The following MAPK8IP3 variants were observed in gnomAD, a reference collection of about 807,000 sequenced individuals.
MAPK8IP3 encodes C-Jun-amino-terminal kinase-interacting protein 3.
A neutral mutation model predicts 157.8 loss-of-function variants in MAPK8IP3; 49 were observed. That is an observed-to-expected ratio of 0.31 (90% confidence interval 0.25 to 0.39). MAPK8IP3 has a LOEUF of 0.39. MAPK8IP3 is among the 10% of genes least tolerant of loss of function. MAPK8IP3 has a pLI of 1.00. For synonymous variants in MAPK8IP3, 897 were observed against 777.7 expected (o/e 1.15, Z -2.55); for missense variants, 1,478 against 1,889.4 (o/e 0.78, Z 4.04).
chr16:1,716,214 T>C (rs2038138326), intron 1 of MAPK8IP3, among the ~76,000 whole-genome samples: 2 of 152,148 alleles, frequency 1.3e-5, no homozygotes, highest in South Asian at 4.1e-4. Context: ...TAACTTTGTT[T>C]ACATATAAAA....
chr16:1,744,317 TG>T (rs771530308), intron 5 of MAPK8IP3: 41 of 985,762 alleles, frequency 4.2e-5, no homozygotes, highest in Non-Finnish European at 4.7e-5. Context: ...GGCTGGTGGA[TG>T]TGGGGCCTGG....
At chr16:1,711,695 A>T (rs2037779586) in intron 1 of MAPK8IP3, among the ~76,000 whole-genome samples, 1 of 152,162 alleles carries the variant, frequency 6.6e-6, no homozygotes, top group Admixed American at 6.5e-5. Context: ...TAATCCCAAC[A>T]CTTTGAAAGG....
intron 4 of MAPK8IP3, among the ~76,000 whole-genome samples, chr16:1,734,230 C>T (rs1039455603): frequency 6.6e-6 from 1 of 152,256 alleles, no homozygotes; most frequent in African/African-American, 2.4e-5. Flanking sequence ...GCTGGCGGCC[C>T]TGTCTCCCTG....
At chr16:1,709,755 T>C (rs1269239043) in intron 1 of MAPK8IP3, among the ~76,000 whole-genome samples, 1 of 152,256 alleles carries the variant, frequency 6.6e-6, no homozygotes, top group African/African-American at 2.4e-5. Context: ...GCCACCACGT[T>C]TGCCGGGCTT....
rs2042532160 is a variant in MAPK8IP3, at chr16:1,770,199, A to C, written c.*1375A>C. 6.4e-6 allele frequency: 1 copy of C among 156,662 alleles called. No homozygotes were observed. The highest frequency in any genetic ancestry group is 1.4e-5 in the Non-Finnish European group (1 of 71,082). The allele number at this position is 156,662 out of a possible 1,614,324, so 9.7% of individuals were successfully genotyped here. A position where few individuals can be genotyped will look rare whatever the true frequency, so the allele number is the denominator to read the frequency against. ...CTCGTCTGTTCCCCCAGGATCTCGA[A>C]GTGACTCCGGGCTGAGCAGTGGGGC... On this transcript the variant is annotated 3_prime_UTR_variant, in exon 32 of 32. Coordinates refer to ENST00000610761, the MANE Select transcript of MAPK8IP3 (RefSeq NM_001318852.2).
rs2040748300 is a variant in MAPK8IP3, at chr16:1,742,618, CAG to C, written c.603-713_603-712del. Among the ~76,000 whole-genome samples the C allele has an allele frequency of 2.0e-5, 3 of 152,178 alleles. No individual in the cohort carries two copies. Among genetic ancestry groups the C allele is most frequent in the African/African-American group, 2.4e-5 (1 of 41,446 alleles). On this transcript the variant is annotated intron_variant, in intron 4 of 31. Transcript: ENST00000610761. This position sits in a 1 kb window ranked among gnomAD's most constrained non-coding sequence, Gnocchi z 5.0. ...GCAGGAGGGGCCAAGGAACAAGGCA[CAG>C]GGGCAGGAAGGCTGGATTCCCTCTG...
chr16:1,749,641 G>T (rs568353217), intron 8 of MAPK8IP3, among the ~76,000 whole-genome samples: 1 of 152,352 alleles, frequency 6.6e-6, no homozygotes, highest in African/African-American at 2.4e-5. Context: ...AGGCTTTCAG[G>T]CATGACAGGC....
chr16:1,764,729 G>A (rs2042155729), intron 19 of MAPK8IP3, among the ~76,000 whole-genome samples: 1 of 152,228 alleles, frequency 6.6e-6, no homozygotes, highest in African/African-American at 2.4e-5. Context: ...GAGGAGCCCA[G>A]GAGCGGCAGA....
chr16:1,762,618 G>T, intron 14 of MAPK8IP3, 57 bp from the exon 15 acceptor site: 2 of 1,543,558 alleles, frequency 1.3e-6, no homozygotes, highest in South Asian at 1.2e-5. Context: ...CCAGAGAGTC[G>T]CAGGTAAGGG....
At chr16:1,711,958 GA>G (rs1160371868) in intron 1 of MAPK8IP3, among the ~76,000 whole-genome samples, 1 of 122,060 alleles carries the variant, frequency 8.2e-6, no homozygotes. Flanking sequence ...AAAAAAAAAA[GA>G]AAAAAAAAGA....
At chr16:1,762,196 C>T (rs1596778939) in intron 13 of MAPK8IP3, among the ~76,000 whole-genome samples, 155 bp from the exon 14 acceptor site, 1 of 152,348 alleles carries the variant, frequency 6.6e-6, no homozygotes, top group South Asian at 2.1e-4. Context: ...TGGTTCCCCT[C>T]CCCGCTTGCC....
At chr16:1,736,164 G>A (rs1459869134) in intron 4 of MAPK8IP3, among the ~76,000 whole-genome samples, 4 of 135,924 alleles carry the variant, frequency 2.9e-5, no homozygotes, top group Admixed American at 7.9e-5. Context: ...CCGTCCGTGT[G>A]AGCGTCCGTG....
intron 4 of MAPK8IP3, among the ~76,000 whole-genome samples, chr16:1,731,009 A>T (rs1300652031): frequency 6.6e-6 from 1 of 151,550 alleles, no homozygotes; most frequent in Admixed American, 6.6e-5. Flanking sequence ...GTGTGGTGGC[A>T]CATGCCTGTA....
At chr16:1,768,675 G>A (rs369812912) in intron 31 of MAPK8IP3, 28 bp from the exon 32 acceptor site, 40 of 1,611,256 alleles carry the variant, frequency 2.5e-5, no homozygotes, top group Non-Finnish European at 3.2e-5. Context: ...GGGGGAGCCT[G>A]GCCGTCACTC....
At chr16:1,720,418 C>T (rs549456337) in intron 1 of MAPK8IP3, among the ~76,000 whole-genome samples, 2 of 152,312 alleles carry the variant, frequency 1.3e-5, no homozygotes, top group South Asian at 4.1e-4. Context: ...GCTCTACACA[C>T]ACACTCCCAG....
At chr16:1,735,468 TGTGAGA>T (rs984560078) in intron 4 of MAPK8IP3, among the ~76,000 whole-genome samples, 2 of 104,690 alleles carry the variant, frequency 1.9e-5, no homozygotes, top group East Asian at 3.5e-4. Flanking sequence ...TGAGCGTCCG[TGTGAGA>T]GTGTGACCGT....
intron 3 of MAPK8IP3, 110 bp from the exon 4 acceptor site, chr16:1,729,377 C>T: frequency 1.6e-6 from 2 of 1,275,250 alleles, no homozygotes; most frequent in Admixed American, 2.0e-5. Context: ...CCCTCCAGGA[C>T]GCTGTCTTGA....
intron 9 of MAPK8IP3, among the ~76,000 whole-genome samples, chr16:1,758,669 T>C (rs1596757380): frequency 6.6e-6 from 1 of 152,198 alleles, no homozygotes; most frequent in East Asian, 1.9e-4. Context: ...CCCACAGGGG[T>C]GCCTTCTGCC....
chr16:1,738,649 T>TGA (rs200328719), intron 4 of MAPK8IP3, among the ~76,000 whole-genome samples: 4 of 101,378 alleles, frequency 3.9e-5, no homozygotes, highest in South Asian at 5.0e-4. Context: ...AGCGTCCGTG[T>TGA]GAGTGTGACC....
Sources: gnomAD v4.1 joint callset for allele counts (sites outside exome capture counted in the v4.1 genomes callset) on GRCh38, gnomAD v4.1.1 for gene constraint, Gnocchi (gnomAD v3.1) non-coding constraint, MANE v1.5 for transcripts, NCBI Gene and HGNC (gene_info 2026-07-23, HGNC 2026-07-21) for gene names.